Variants in PEX13 observed in about 807,000 individuals in gnomAD.
PEX13 encodes peroxisomal biogenesis factor 13, also known as peroxisome biogenesis factor 13.
Under a neutral mutation model 34.5 loss-of-function variants are expected in PEX13, and 28 were observed. The ratio of observed to expected loss-of-function variants is 0.81; its 90% CI spans 0.60 to 1.11. PEX13 has a LOEUF of 1.11. Ranked by LOEUF, PEX13 falls within the 50% of genes most tolerant of loss-of-function variation. The pLI, the probability that PEX13 is intolerant of heterozygous loss-of-function variation, is 0.00. For missense variants in PEX13, 550 were observed against 491.0 expected (o/e 1.12, Z -1.13); for synonymous variants, 177 against 175.1 (o/e 1.01, Z -0.09).
At chr2:61,044,450 T>G (rs1320050761) in intron 2 of PEX13, among the ~76,000 whole-genome samples, 3 of 152,314 alleles carry the variant, frequency 2.0e-5, no homozygotes, top group African/African-American at 7.2e-5. Flanking sequence ...AAGGTTTCCC[T>G]ATGTTGCCCA....
intron 1 of PEX13, among the ~76,000 whole-genome samples, chr2:61,023,270 G>T (rs879445664): frequency 3.9e-5 from 6 of 152,126 alleles, no homozygotes; most frequent in Admixed American, 2.6e-4. Flanking sequence ...CTCCCAAAAT[G>T]CTGGGATTAC....
At chr2:61,029,437 A>C (rs983644771) in intron 1 of PEX13, among the ~76,000 whole-genome samples, 1 of 152,196 alleles carries the variant, frequency 6.6e-6, no homozygotes, top group African/African-American at 2.4e-5. Flanking sequence ...GCAGTTCCTC[A>C]AAAGGCTAAA....
intron 2 of PEX13, among the ~76,000 whole-genome samples, chr2:61,037,572 CAA>C (rs1470896133): frequency 2.0e-5 from 3 of 152,080 alleles, no homozygotes; most frequent in Non-Finnish European, 4.4e-5. Flanking sequence ...CCAAGGAAAA[CAA>C]AGACAGAACA....
intron 2 of PEX13, among the ~76,000 whole-genome samples, chr2:61,044,633 G>A (rs1034393646): frequency 1.4e-4 from 22 of 152,236 alleles, no homozygotes; most frequent in African/African-American, 4.8e-4. Context: ...AGATCCACCC[G>A]CCTCGGCCTC....
At chr2:61,040,400 G>A (rs1449353732) in intron 2 of PEX13, among the ~76,000 whole-genome samples, 1 of 152,124 alleles carries the variant, frequency 6.6e-6, no homozygotes, top group Non-Finnish European at 1.5e-5. Flanking sequence ...GAAATACTAT[G>A]CAGCCATAAA....
chr2:61,022,440 A>G (rs1288359210), intron 1 of PEX13, among the ~76,000 whole-genome samples: 1 of 152,272 alleles, frequency 6.6e-6, no homozygotes, highest in Middle Eastern at 3.2e-3. Context: ...GTAATTGAAG[A>G]TCAAATTGAT....
chr2:61,023,773 A>G (rs1477327957), intron 1 of PEX13, among the ~76,000 whole-genome samples: 3 of 122,498 alleles, frequency 2.4e-5, no homozygotes, highest in Non-Finnish European at 5.1e-5. Context: ...CTTTTTGGCC[A>G]TCTCTGTCTT....
At chr2:61,037,640 T>G (rs1680556877) in intron 2 of PEX13, among the ~76,000 whole-genome samples, 2 of 152,180 alleles carry the variant, frequency 1.3e-5, no homozygotes, top group African/African-American at 4.8e-5. Context: ...TTTATAGCAC[T>G]AAATGCCCAC....
intron 2 of PEX13, among the ~76,000 whole-genome samples, chr2:61,032,625 T>C (rs1680471270): frequency 6.6e-6 from 1 of 152,234 alleles, no homozygotes; most frequent in Admixed American, 6.5e-5. Flanking sequence ...AGAACTCACT[T>C]ACCTAGGGTC....
chr2:61,024,705 A>C (rs1379801898), intron 1 of PEX13, among the ~76,000 whole-genome samples: 1 of 152,138 alleles, frequency 6.6e-6, no homozygotes. Context: ...GCTACTCAGG[A>C]GGCTGAGGCC....
Position 61,018,469 on chromosome 2 carries a change from A to AT in PEX13, c.92+628dup, listed in dbSNP as rs70959887. The AT allele has an allele frequency of 7.1e-3, 4,609 of 646,060 alleles. 1 individual carries two copies. The highest frequency in any genetic ancestry group is 0.012 in the East Asian group (344 of 28,880). The allele number at this position is 646,060 out of a possible 1,614,324, so 40.0% of individuals were successfully genotyped here. ...AATAGTGTATTTTTCTGAGGCCTGTATTTTTTTTTTGTTTGGTTTTTAATC... is the reference window on the plus strand; with the variant it reads ...AATAGTGTATTTTTCTGAGGCCTGTATTTTTTTTTTTGTTTGGTTTTTAATC... On this transcript the variant is annotated intron_variant, in intron 1 of 3. Transcript: ENST00000295030.
At chr2:61,025,094 A>G (rs982320671) in intron 1 of PEX13, among the ~76,000 whole-genome samples, 1 of 151,922 alleles carries the variant, frequency 6.6e-6, no homozygotes, top group Non-Finnish European at 1.5e-5. Context: ...TTTTTGAGAC[A>G]GTCTCACTCT....
intron 1 of PEX13, among the ~76,000 whole-genome samples, chr2:61,023,652 A>C (rs190956306): frequency 1.3e-5 from 2 of 151,658 alleles, no homozygotes; most frequent in East Asian, 3.9e-4. Flanking sequence ...CTATTAAGAC[A>C]TTTATTGTTT....
chr2:61,042,500 T>G (rs922720212), intron 2 of PEX13, among the ~76,000 whole-genome samples: 3 of 152,052 alleles, frequency 2.0e-5, no homozygotes, highest in Non-Finnish European at 4.4e-5. Context: ...TTGAATTAGA[T>G]AGTAAAAAAA....
intron 2 of PEX13, 138 bp downstream of exon 2, chr2:61,032,251 C>A (rs1559036119): frequency 4.3e-6 from 3 of 692,774 alleles, no homozygotes; most frequent in South Asian, 1.8e-5. Context: ...TCAAAACTGG[C>A]AGAGGAATAT....
At chr2:61,034,559 G>T (rs1418967529) in intron 2 of PEX13, among the ~76,000 whole-genome samples, 1 of 152,184 alleles carries the variant, frequency 6.6e-6, no homozygotes, top group Non-Finnish European at 1.5e-5. Flanking sequence ...CTAGCCAAGG[G>T]AAGCCATGAG....
At chr2:61,018,461 A>G in intron 1 of PEX13, 1 of 797,934 alleles carries the variant, frequency 1.3e-6, no homozygotes, top group Non-Finnish European at 1.8e-6. Context: ...TATTTTTCTG[A>G]GGCCTGTATT....
intron 2 of PEX13, among the ~76,000 whole-genome samples, chr2:61,034,830 G>A (rs560687482): frequency 1.3e-3 from 205 of 152,332 alleles, no homozygotes; most frequent in South Asian, 3.7e-3. Context: ...CGAACTGGGC[G>A]GAGCCCACCA....
chr2:61,039,982 T>C (rs558431102), intron 2 of PEX13, among the ~76,000 whole-genome samples: 11 of 152,160 alleles, frequency 7.2e-5, no homozygotes, highest in African/African-American at 2.2e-4. Context: ...AACAAACATA[T>C]GAAAAAATGC....
Sources: gnomAD v4.1 joint callset for allele counts (sites outside exome capture counted in the v4.1 genomes callset) on GRCh38, gnomAD v4.1.1 for gene constraint, MANE v1.5 for transcripts, NCBI Gene and HGNC (gene_info 2026-07-23, HGNC 2026-07-21) for gene names.